The following CACNA1C variants were observed in gnomAD, a reference collection of about 807,000 sequenced individuals.
The protein encoded by CACNA1C is calcium voltage-gated channel subunit alpha1 C.
Under a neutral mutation model 229.0 loss-of-function variants are expected in CACNA1C, and 30 were observed. The ratio of observed to expected loss-of-function variants is 0.13; its 90% confidence interval spans 0.10 to 0.18. The LOEUF (loss-of-function observed/expected upper bound fraction) is 0.18. CACNA1C is among the 10% of genes least tolerant of loss of function. CACNA1C has a pLI of 1.00. For missense variants in CACNA1C, 1,658 were observed against 2,845.0 expected (o/e 0.58, Z 9.49); for synonymous variants, 1,114 against 1,132.5 (o/e 0.98, Z 0.33).
At chr12:2,342,153 C>T (rs2096883769) in intron 3 of CACNA1C, among the ~76,000 whole-genome samples, 1 of 152,316 alleles carries the variant, frequency 6.6e-6, no homozygotes, top group African/African-American at 2.4e-5. Flanking sequence ...CCTTGGCTCC[C>T]TTGAGCGGTG....
rs216032 is a variant in CACNA1C at position 2,647,829 on chromosome 12, C to A, written c.3913-646C>A. Among the ~76,000 whole-genome samples, 45,247 of 151,912 alleles carry A rather than the reference C, an allele frequency of 0.3. 8,232 individuals carry two copies. Among genetic ancestry groups the A allele is most frequent in the African/African-American group, 0.52 (21,570 of 41,372 alleles). ...TAGGTTAACAATGGCTAATAAAAAA[C>A]AAATTAAAACAGGCTTGGCACAGTG... On this transcript the variant is annotated intron_variant, in intron 30 of 46. Transcript: ENST00000399655. This position sits in a 1 kb window ranked among gnomAD's most constrained non-coding sequence, Gnocchi z 4.2.
chr12:2,606,781 C>A, intron 25 of CACNA1C, 118 bp downstream of exon 25: 3 of 983,470 alleles, frequency 3.1e-6, no homozygotes, highest in Non-Finnish European at 4.6e-6. Context: ...CTGCGCTCTG[C>A]CTGTGTGTCA....
chr12:2,482,469 C>T (rs1210499632), intron 5 of CACNA1C, among the ~76,000 whole-genome samples: 1 of 152,234 alleles, frequency 6.6e-6, no homozygotes, highest in African/African-American at 2.4e-5. Context: ...TCTGGACCCA[C>T]TCTTCTCATC....
intron 3 of CACNA1C, among the ~76,000 whole-genome samples, chr12:2,349,650 A>T (rs1018696194): frequency 8.5e-5 from 13 of 152,108 alleles, no homozygotes; most frequent in Non-Finnish European, 1.9e-4. Context: ...TGCAGAGGGT[A>T]GGAAGAGCTC....
At chr12:2,216,890 G>A (rs545042694) in intron 3 of CACNA1C, among the ~76,000 whole-genome samples, 46 of 152,266 alleles carry the variant, frequency 3.0e-4, no homozygotes, top group African/African-American at 1.0e-3. Flanking sequence ...AATTCACAGC[G>A]GCACATTCTA....
intron 3 of CACNA1C, among the ~76,000 whole-genome samples, chr12:2,254,679 C>T (rs1030578809): frequency 3.3e-5 from 5 of 152,156 alleles, no homozygotes; most frequent in Non-Finnish European, 4.4e-5. Context: ...AAAAGCCACT[C>T]AAACTACTCC....
At chr12:2,246,562 A>G (rs889966278) in intron 3 of CACNA1C, among the ~76,000 whole-genome samples, 4 of 152,118 alleles carry the variant, frequency 2.6e-5, no homozygotes, top group African/African-American at 9.7e-5. Context: ...ACTCTGTGCA[A>G]TTCATACCGT....
At chr12:2,128,156 A>G (rs1046156011) in intron 3 of CACNA1C, among the ~76,000 whole-genome samples, 2 of 152,210 alleles carry the variant, frequency 1.3e-5, no homozygotes, top group African/African-American at 4.8e-5. Context: ...TCAGAGAAGT[A>G]AAGTGACTTG....
intron 9 of CACNA1C, among the ~76,000 whole-genome samples, chr12:2,518,649 A>G (rs1426413860): frequency 2.0e-5 from 3 of 152,060 alleles, no homozygotes; most frequent in South Asian, 2.1e-4. Flanking sequence ...ATTTATCTAG[A>G]TCTCTCGATA....
chr12:2,642,654 A>G lies in CACNA1C; in HGVS notation c.3913-5821A>G, dbSNP rs538289798. ...TTGAGTCTCTGCCCCGCCCTGCCTC[A>G]CCCACTCTGTTTCTCTGCCTTTCTT... On this transcript the variant is annotated intron_variant, in intron 30 of 46. Transcript: ENST00000399655. Among the ~76,000 whole-genome samples, 57 of 152,200 alleles carry G rather than the reference A, an allele frequency of 3.7e-4. 2 individuals carry two copies. Among genetic ancestry groups the G allele is most frequent in the Non-Finnish European group, 5.9e-4 (40 of 68,002 alleles).
intron 9 of CACNA1C, among the ~76,000 whole-genome samples, chr12:2,547,983 T>C (rs1429308482): frequency 2.0e-5 from 3 of 152,260 alleles, no homozygotes; most frequent in East Asian, 3.9e-4. Context: ...GAACGAAGTG[T>C]CACAAAGTCA....
In CACNA1C at chr12:2,029,362, C is replaced by T. The variant is rs893753416; in HGVS notation, c.139+58161C>T. ...TATGTAACACATCCGCAATATACAC[C>T]ATCACCACTAACTTTTTCATTAGTC... On this transcript the variant is annotated intron_variant, in intron 1 of 46. Transcript: ENST00000682462. The surrounding 1 kb of genome is among the most constrained non-coding windows in gnomAD (Gnocchi z 4.9). Among the ~76,000 whole-genome samples, 2 of 152,060 alleles carry T rather than the reference C, an allele frequency of 1.3e-5. No homozygotes were observed. Among genetic ancestry groups the T allele is most frequent in the East Asian group, 3.9e-4 (2 of 5,192 alleles).
intron 9 of CACNA1C, among the ~76,000 whole-genome samples, chr12:2,522,240 T>C (rs1215279313): frequency 6.6e-6 from 1 of 152,204 alleles, no homozygotes; most frequent in Non-Finnish European, 1.5e-5. Context: ...CGTCTTGTTA[T>C]ATAGAAAGCT....
At chr12:2,074,695 A>C (rs1475448074) in intron 1 of CACNA1C, among the ~76,000 whole-genome samples, 1 of 152,158 alleles carries the variant, frequency 6.6e-6, no homozygotes, top group Non-Finnish European at 1.5e-5. Context: ...AAATGGATGA[A>C]TTAGACCCCC....
In CACNA1C at chr12:2,115,249, C is replaced by T. The variant is rs773869181; in HGVS notation, c.75C>T (p.Pro25=). Residue 25 remains proline (P), a synonymous_variant, in exon 2 of 47, where the codon CCC becomes CCT. Transcript: ENST00000399655. ...HQGSNYGSPR[P]AHANMNANAA... The stretch of plus-strand genomic sequence containing the variant: ...GTTCCAACTATGGGAGCCCACGCCC[C>T]GCCCATGCCAACATGAATGCCAATG... 5.2e-5 allele frequency: 82 copies of T among 1,583,644 alleles called. 1 individual carries two copies. The highest frequency in any genetic ancestry group is 5.0e-4 in the South Asian group (43 of 86,862).
intron 9 of CACNA1C, among the ~76,000 whole-genome samples, chr12:2,546,931 C>T (rs749142326): frequency 3.9e-5 from 6 of 152,180 alleles, no homozygotes; most frequent in Non-Finnish European, 8.8e-5. Context: ...CATCCAGGTG[C>T]AAATAGCAAG....
At chr12:2,086,215 AGTAGTAGGCACTTGGGATTT>A (rs2067586555) in intron 1 of CACNA1C, among the ~76,000 whole-genome samples, 1 of 152,226 alleles carries the variant, frequency 6.6e-6, no homozygotes, top group Admixed American at 6.5e-5. Context: ...CTTAGCACAT[AGTAGTAGGCACTTGGGATTT>A]GTTGAAAAAA....
chr12:2,126,442 G>A (rs1199289674), intron 3 of CACNA1C, among the ~76,000 whole-genome samples: 1 of 152,222 alleles, frequency 6.6e-6, no homozygotes, highest in African/African-American at 2.4e-5. Flanking sequence ...CCGACTCATT[G>A]TGTGTGGAAA....
intron 3 of CACNA1C, among the ~76,000 whole-genome samples, chr12:2,192,023 T>C (rs61909095): frequency 0.33 from 49,028 of 148,382 alleles, 8,623 homozygotes; most frequent in South Asian, 0.39. Flanking sequence ...TTCACACATA[T>C]ACACGCACTC....
Sources: gnomAD v4.1 joint callset for allele counts (sites outside exome capture counted in the v4.1 genomes callset) on GRCh38, gnomAD v4.1.1 for gene constraint, Gnocchi (gnomAD v3.1) non-coding constraint, MANE v1.5 for transcripts, NCBI Gene and HGNC (gene_info 2026-07-23, HGNC 2026-07-21) for gene names.